Variants in ZNF843 observed in about 807,000 individuals in gnomAD.
ZNF843 encodes the protein zinc finger protein 843.
For synonymous variants in ZNF843, 185 were observed against 207.7 expected (o/e 0.89, Z 0.94); for missense variants, 482 against 469.4 (o/e 1.03, Z -0.25).
At chr16:31,440,281 A>G (rs773762610) in intron 1 of ZNF843, among the ~76,000 whole-genome samples, 3 of 152,222 alleles carry the variant, frequency 2.0e-5, no homozygotes, top group Non-Finnish European at 4.4e-5. Context: ...TCCTTCCTCC[A>G]TAATTTCATC....
intron 1 of ZNF843, among the ~76,000 whole-genome samples, chr16:31,441,253 C>A (rs2082200263): frequency 6.6e-6 from 1 of 152,196 alleles, no homozygotes; most frequent in Non-Finnish European, 1.5e-5. Context: ...CTAGGCCCTA[C>A]CTACCTTCCT....
At chr16:31,437,779 C>T (rs1033711881) in intron 1 of ZNF843, among the ~76,000 whole-genome samples, 3 of 151,684 alleles carry the variant, frequency 2.0e-5, no homozygotes, top group Admixed American at 6.6e-5. Flanking sequence ...CGCCTGCCAC[C>T]ATTGCCGGCT....
At chr16:31,442,220 G>A (rs1357033007) in intron 1 of ZNF843, among the ~76,000 whole-genome samples, 1 of 152,270 alleles carries the variant, frequency 6.6e-6, no homozygotes, top group African/African-American at 2.4e-5. Context: ...ACCAAGCCTC[G>A]CCTGGCGCGG....
In ZNF843 at chr16:31,436,111, C is replaced by T; in HGVS notation, c.739G>A (p.Gly247Ser). The T allele has an allele frequency of 1.3e-6, 2 of 1,550,418 alleles. No individual in the cohort carries two copies. Among genetic ancestry groups the T allele is most frequent in the Non-Finnish European group, 8.7e-7 (1 of 1,146,486 alleles). The stretch of plus-strand genomic sequence containing the variant: ...GGCGGAACCTGGGCAACTTCCAGGC[C>T]TCCCAGAGGCACTGCAGGCACTGCG... ...LPAVPAVPLG[G>S]LEVAQVPPAT... The change falls in exon 2 of 2, where the codon GGC becomes AGC. Residue 247 changes from glycine to serine, a missense_variant. Transcript: ENST00000315678.
Position 31,436,090 on chromosome 16 carries a change from G to A in ZNF843, c.760C>T (p.Pro254Ser). ...PLGGLEVAQV[P>S]PATQPAAQQE... is the part of the protein sequence containing the mutation. The stretch of plus-strand genomic sequence containing the variant: ...TGAGCTGCCGGCTGGGTGGCTGGCG[G>A]AACCTGGGCAACTTCCAGGCCTCCC... Residue 254 changes from proline (P) to serine (S), a missense_variant, in exon 2 of 2, where the codon CCG (proline) becomes TCG (serine). Transcript: ENST00000315678. 6.5e-7 allele frequency: 1 copy of A among 1,550,296 alleles called. No homozygotes were observed. Among genetic ancestry groups the A allele is most frequent in the Non-Finnish European group, 8.7e-7 (1 of 1,146,458 alleles).
chr16:31,442,048 C>T (rs2082202795), intron 1 of ZNF843, among the ~76,000 whole-genome samples: 1 of 152,204 alleles, frequency 6.6e-6, no homozygotes, highest in Non-Finnish European at 1.5e-5. Flanking sequence ...GATTTTAAGG[C>T]GGGCCGGGTG....
rs2082180050 is a variant in ZNF843 at position 31,436,221 on chromosome 16, G to A, written c.629C>T (p.Pro210Leu). Residue 210 changes from proline to leucine, a missense_variant, in exon 2 of 2, where the codon CCC (proline) becomes CTC (leucine). Transcript: ENST00000315678. ...AGGTCGGGGCAGGAGTGTGGATGGG[G>A]GCAGATGTTGAAGGAAGGACCCGGG... Reference protein sequence around the residue: ...GSPGSFLQHLPPSTLLPRPPF... With the variant: ...GSPGSFLQHLLPSTLLPRPPF... The A allele has an allele frequency of 6.5e-7, 1 of 1,539,516 alleles. No individual in the cohort carries two copies. Among genetic ancestry groups the A allele is most frequent in the Non-Finnish European group, 8.8e-7 (1 of 1,140,714 alleles).
At position 31,436,994 on chromosome 16, in the gene ZNF843, CGGG is replaced by C. The variant is rs552213275; in HGVS notation, c.-148_-146del. 29 of 723,058 alleles carry C rather than the reference CGGG, an allele frequency of 4.0e-5. No homozygotes were observed. In the East Asian group the frequency reaches 6.0e-4, roughly 15 times the overall value. The allele number at this position is 723,058 out of a possible 1,614,324, so 44.8% of individuals were successfully genotyped here. ...GGGAGCAGCACCCGGCCCCAGGCCT[CGGG>C]GGCTGTCTGGAGAGTTCTCTAATGT... On this transcript the variant is annotated 5_prime_UTR_variant, in exon 2 of 2. Transcript: ENST00000315678.
Position 31,435,846 on chromosome 16 carries a change from A to G in ZNF843, c.1004T>C (p.Val335Ala). ...GGACCTCCGGCTGGAGGCCTTCCAC[A>G]CCGGAAACACTGGTAGGGCTCCTCT... The part of the protein sequence containing the change: ...HWRGALPVFP[V>A]WKASSRRSNL... The change falls in exon 2 of 2, where the codon GTG becomes GCG. Residue 335 changes from valine (V) to alanine (A), a missense_variant. Val to Ala is a moderately conservative substitution (Grantham distance 64). Transcript: ENST00000315678. The G allele has an allele frequency of 6.8e-7, 1 of 1,478,198 alleles. No individual in the cohort carries two copies. The highest frequency in any genetic ancestry group is 9.0e-7 in the Non-Finnish European group (1 of 1,110,050). The allele number at this position is 1,478,198 out of a possible 1,614,324, so 91.6% of individuals were successfully genotyped here.
intron 1 of ZNF843, among the ~76,000 whole-genome samples, chr16:31,440,853 G>A (rs1327290934): frequency 6.6e-6 from 1 of 152,228 alleles, no homozygotes; most frequent in Admixed American, 6.5e-5. Context: ...TTGGGAGTCA[G>A]GGGGACCTGT....
At position 31,435,871 on chromosome 16, in the gene ZNF843, T is replaced by A; in HGVS notation, c.979A>T (p.Arg327Ter). The A allele has an allele frequency of 1.3e-6, 2 of 1,529,322 alleles. No individual in the cohort carries two copies. Among genetic ancestry groups the A allele is most frequent in the Middle Eastern group, 1.7e-4 (1 of 5,830 alleles). The allele number at this position is 1,529,322 out of a possible 1,614,324, so 94.7% of individuals were successfully genotyped here. A position where few individuals can be genotyped will look rare whatever the true frequency, so the allele number is the denominator to read the frequency against. The change falls in exon 2 of 2, where the codon AGA becomes TGA. Residue 327 changes from arginine (R) to a stop codon, truncating the protein, a stop_gained. Transcript: ENST00000315678. LOFTEE classifies it low-confidence loss of function (END_TRUNC). ...APPPPSNPHWRGALPVFPVWK... is the reference protein window; with the variant it reads ...APPPPSNPHW ...ACCGGAAACACTGGTAGGGCTCCTC[T>A]CCAGTGTGGGTTCGAGGGCGGTGGA...
intron 1 of ZNF843, among the ~76,000 whole-genome samples, chr16:31,440,136 G>C (rs1408689386): frequency 6.6e-6 from 1 of 152,146 alleles, no homozygotes; most frequent in East Asian, 1.9e-4. Flanking sequence ...TATAGATGAA[G>C]AAACTGAGGC....
At position 31,436,027 on chromosome 16, in the gene ZNF843, C is replaced by T. The variant is rs1288504752; in HGVS notation, c.823G>A (p.Ala275Thr). 5.2e-6 allele frequency: 8 copies of T among 1,532,132 alleles called. No homozygotes were observed. The highest frequency in any genetic ancestry group is 1.4e-5 in the African/African-American group (1 of 72,728). The allele number at this position is 1,532,132 out of a possible 1,614,324, so 94.9% of individuals were successfully genotyped here. A position where few individuals can be genotyped will look rare whatever the true frequency, so the allele number is the denominator to read the frequency against. ...GAMGPRSCAS[A>T]GRDSREAVQA... ...ACCGCCTCCCGCGAGTCCCGTCCCG[C>T]GCTCGCACAGCTTCTGGGCCCCATC... is the stretch of plus-strand genomic sequence containing the variant. Residue 275 changes from alanine (A) to threonine (T), a missense_variant, in exon 2 of 2, where the codon GCG becomes ACG. Coordinates refer to ENST00000315678, the MANE Select transcript of ZNF843 (RefSeq NM_001136509.3).
At chr16:31,441,921 GAGAA>G (rs1263936092) in intron 1 of ZNF843, among the ~76,000 whole-genome samples, 2 of 152,218 alleles carry the variant, frequency 1.3e-5, no homozygotes, top group Non-Finnish European at 2.9e-5. Context: ...GCTAAGTTCT[GAGAA>G]AGCAAACGGG....
rs1314199185 is a variant in ZNF843, at chr16:31,436,391, A to G, written c.459T>C (p.Ser153=). 2.6e-6 allele frequency: 4 copies of G among 1,550,164 alleles called. No individual in the cohort carries two copies. The highest frequency in any genetic ancestry group is 1.7e-6 in the Non-Finnish European group (2 of 1,146,038). Residue 153 remains serine, a synonymous_variant, in exon 2 of 2, where the codon AGT becomes AGC. Transcript: ENST00000315678. The stretch of plus-strand genomic sequence containing the variant: ...GGGAGAGGGAGGTCTTCTCATTGAC[A>G]CTGTCACCGCAGCTGCAGCAGCAGA... The part of the protein sequence containing the change: ...CPFCCCSCGD[S]VNEKTSLSQR...
chr16:31,440,880 TG>T (rs1276400161), intron 1 of ZNF843, among the ~76,000 whole-genome samples: 1 of 152,236 alleles, frequency 6.6e-6, no homozygotes, highest in East Asian at 1.9e-4. Context: ...AATCAGTCCT[TG>T]TGCCAATTAA....
chr16:31,438,620 A>G (rs2082191430), intron 1 of ZNF843, among the ~76,000 whole-genome samples: 1 of 151,894 alleles, frequency 6.6e-6, no homozygotes, highest in African/African-American at 2.4e-5. Context: ...CTTGGCTCTT[A>G]TCTCAGGACC....
chr16:31,436,980 C>A lies in ZNF843; in HGVS notation c.-131G>T. 1.2e-6 allele frequency: 1 copy of A among 850,508 alleles called. No homozygotes were observed. Among genetic ancestry groups the A allele is most frequent in the East Asian group, 2.7e-5 (1 of 37,052 alleles). The allele number at this position is 850,508 out of a possible 1,614,324, so 52.7% of individuals were successfully genotyped here. ...CGAGCTCACAGTCTGGGAGCAGCAC[C>A]CGGCCCCAGGCCTCGGGGGCTGTCT... On this transcript the variant is annotated 5_prime_UTR_variant, in exon 2 of 2. Transcript: ENST00000315678.
At chr16:31,441,654 T>G (rs1043987791) in intron 1 of ZNF843, among the ~76,000 whole-genome samples, 5 of 151,880 alleles carry the variant, frequency 3.3e-5, no homozygotes, top group Non-Finnish European at 7.4e-5. Flanking sequence ...GCTAATTTTT[T>G]TTTTTTAAAT....
Sources: gnomAD v4.1 joint callset for allele counts (sites outside exome capture counted in the v4.1 genomes callset) on GRCh38, gnomAD v4.1.1 for gene constraint, MANE v1.5 for transcripts, NCBI Gene and HGNC (gene_info 2026-07-23, HGNC 2026-07-21) for gene names.